The following FBXL4 variants were observed in gnomAD, a reference collection of about 807,000 sequenced individuals.
FBXL4 encodes F-box and leucine rich repeat protein 4, also known as F-box/LRR-repeat protein 4.
FBXL4 carries 40 observed loss-of-function variants against 58.9 expected under a neutral mutation model. The observed-to-expected ratio is 0.68, with a 90% CI of 0.53 to 0.88. The LOEUF is 0.88. Ranked by LOEUF, FBXL4 falls within the 40% of genes least tolerant of loss-of-function variation. FBXL4 has a pLI of 0.00. For synonymous variants in FBXL4, 263 were observed against 265.5 expected (o/e 0.99, Z 0.09); for missense variants, 676 against 734.4 (o/e 0.92, Z 0.92).
intron 5 of FBXL4, among the ~76,000 whole-genome samples, chr6:98,912,327 G>A (rs535628338): frequency 2.0e-4 from 31 of 152,100 alleles, no homozygotes; most frequent in Non-Finnish European, 3.4e-4. Flanking sequence ...TACAGAGAAC[G>A]CCACAAATAT....
intron 6 of FBXL4, among the ~76,000 whole-genome samples, chr6:98,900,151 T>G (rs572721393): frequency 6.6e-6 from 1 of 152,312 alleles, no homozygotes; most frequent in East Asian, 1.9e-4. Context: ...AATATTTATG[T>G]CAGTTATGTT....
At chr6:98,935,785 G>A (rs1340990781) in intron 1 of FBXL4, among the ~76,000 whole-genome samples, 2 of 90,718 alleles carry the variant, frequency 2.2e-5, no homozygotes, top group Non-Finnish European at 4.0e-5. Context: ...GACAGAGCGA[G>A]ACTCCGTCTC....
intron 5 of FBXL4, among the ~76,000 whole-genome samples, chr6:98,911,044 AGGGTCC>A (rs1286978056): frequency 6.3e-5 from 4 of 63,510 alleles, no homozygotes; most frequent in Admixed American, 1.4e-4. Context: ...CCTGGCTCGG[AGGGTCC>A]TACGCCCACG....
intron 2 of FBXL4, among the ~76,000 whole-genome samples, chr6:98,932,079 A>C (rs1377278948): frequency 6.6e-6 from 1 of 152,232 alleles, no homozygotes; most frequent in African/African-American, 2.4e-5. Context: ...AGGAACACTT[A>C]ATTTGTCCAA....
intron 7 of FBXL4, chr6:98,896,936 G>A: frequency 2.0e-6 from 2 of 984,886 alleles, no homozygotes; most frequent in Non-Finnish European, 2.4e-6. Flanking sequence ...ACAAATTTAA[G>A]AAAACTGTAG....
intron 1 of FBXL4, among the ~76,000 whole-genome samples, 185 bp from the exon 2 acceptor site, chr6:98,935,064 C>T (rs1277245787): frequency 1.3e-5 from 2 of 152,118 alleles, no homozygotes; most frequent in East Asian, 3.9e-4. Flanking sequence ...CCCAAGAAGT[C>T]AAGTAGGAAT....
intron 4 of FBXL4, among the ~76,000 whole-genome samples, chr6:98,924,732 T>C (rs1326338956): frequency 6.6e-6 from 1 of 152,252 alleles, no homozygotes; most frequent in East Asian, 1.9e-4. Flanking sequence ...AATCTCCAAG[T>C]TGAGCTGTAC....
chr6:98,903,991 G>A (rs939408002), intron 6 of FBXL4, among the ~76,000 whole-genome samples: 1 of 152,012 alleles, frequency 6.6e-6, no homozygotes. Context: ...GAAAACAAAC[G>A]TTTAATAAAT....
chr6:98,926,632 A>C lies in FBXL4; in HGVS notation c.357T>G (p.Pro119=). The change falls in exon 4 of 10, where the codon CCT becomes CCG. Residue 119 remains proline, a synonymous_variant. Transcript: ENST00000369244. The part of the protein sequence containing the change: ...SASLPFKRTP[P]NFQSQDYVEL... ...CCACATAGTCCTGGCTCTGAAAATTAGGTGGCGTCCTCTTGAATGGCAAGG... is the reference window on the plus strand; with the variant it reads ...CCACATAGTCCTGGCTCTGAAAATTCGGTGGCGTCCTCTTGAATGGCAAGG... 1 of 1,614,178 alleles carries C rather than the reference A, an allele frequency of 6.2e-7. No homozygotes were observed. Among genetic ancestry groups the C allele is most frequent in the Non-Finnish European group, 8.5e-7 (1 of 1,180,022 alleles).
intron 8 of FBXL4, among the ~76,000 whole-genome samples, chr6:98,880,288 GACA>G (rs1455697458): frequency 6.6e-6 from 1 of 152,174 alleles, no homozygotes; most frequent in African/African-American, 2.4e-5. Context: ...GCTTGTCGGA[GACA>G]ACATCTGGCT....
At chr6:98,905,319 G>T (rs985121357) in intron 6 of FBXL4, 107 bp downstream of exon 6, 84 of 1,252,660 alleles carry the variant, frequency 6.7e-5, no homozygotes, top group Non-Finnish European at 9.3e-5. Context: ...TTTTATTTTT[G>T]TAAGTACATG....
intron 6 of FBXL4, among the ~76,000 whole-genome samples, chr6:98,903,210 T>C (rs1180228313): frequency 6.6e-6 from 1 of 152,134 alleles, no homozygotes; most frequent in Non-Finnish European, 1.5e-5. Flanking sequence ...AGATTATTCA[T>C]TAATAATCAA....
chr6:98,938,567 G>A (rs1416905127), intron 1 of FBXL4, among the ~76,000 whole-genome samples: 2 of 152,138 alleles, frequency 1.3e-5, no homozygotes, highest in African/African-American at 2.4e-5. Flanking sequence ...GTTACATAAC[G>A]AAAAGACTGA....
intron 1 of FBXL4, among the ~76,000 whole-genome samples, chr6:98,935,657 C>T (rs975659001): frequency 3.3e-5 from 5 of 151,004 alleles, no homozygotes; most frequent in Admixed American, 3.3e-4. Flanking sequence ...GGCGCGGTGG[C>T]GGGCGCCTGT....
In FBXL4 at chr6:98,875,712, C is replaced by T. The variant is rs1307708523; in HGVS notation, c.1405G>A (p.Val469Met). 2 of 1,613,444 alleles carry T rather than the reference C, an allele frequency of 1.2e-6. No homozygotes were observed. The highest frequency in any genetic ancestry group is 1.7e-6 in the Non-Finnish European group (2 of 1,179,938). ...GSCVMIEDYD[V>M]IASMIGAKCK... is the part of the protein sequence containing the mutation. Reference sequence around the variant, plus strand: ...TTGGCTCCTATCATGCTAGCTATCACATCATAGTCTTCAATCTGGAAATCA... The same window carrying T: ...TTGGCTCCTATCATGCTAGCTATCATATCATAGTCTTCAATCTGGAAATCA... The change falls in exon 9 of 10, where the codon GTG becomes ATG. Residue 469 changes from valine (V) to methionine (M), a missense_variant. By Grantham distance (21) the Val-to-Met change is conservative (BLOSUM62 1). Transcript: ENST00000369244.
intron 5 of FBXL4, among the ~76,000 whole-genome samples, chr6:98,907,158 G>A (rs1259710973): frequency 6.6e-6 from 1 of 152,130 alleles, no homozygotes; most frequent in Non-Finnish European, 1.5e-5. Context: ...GGAACATTCA[G>A]CTTCAAAGAG....
intron 5 of FBXL4, among the ~76,000 whole-genome samples, chr6:98,914,686 T>C (rs1028673082): frequency 3.3e-5 from 5 of 152,178 alleles, no homozygotes; most frequent in African/African-American, 7.2e-5. Flanking sequence ...ATAAGAGCTA[T>C]CTATGACAAA....
intron 6 of FBXL4, among the ~76,000 whole-genome samples, chr6:98,902,193 A>G (rs973956812): frequency 6.6e-6 from 1 of 152,166 alleles, no homozygotes; most frequent in Non-Finnish European, 1.5e-5. Context: ...TTAGATATAA[A>G]TATCTATGAC....
chr6:98,900,668 T>C (rs1289882578), intron 6 of FBXL4, among the ~76,000 whole-genome samples: 1 of 152,160 alleles, frequency 6.6e-6, no homozygotes, highest in African/African-American at 2.4e-5. Context: ...AAGCACCCCA[T>C]AAACATTAAG....
Sources: gnomAD v4.1 joint callset for allele counts (sites outside exome capture counted in the v4.1 genomes callset) on GRCh38, gnomAD v4.1.1 for gene constraint, MANE v1.5 for transcripts, NCBI Gene and HGNC (gene_info 2026-07-23, HGNC 2026-07-21) for gene names.